The following PM20D2 variants were observed in gnomAD, a reference collection of about 807,000 sequenced individuals.
PM20D2 encodes peptidase M20 domain containing 2.
PM20D2 carries 33 observed loss-of-function variants against 42.9 expected under a neutral mutation model. The ratio of observed to expected loss-of-function variants is 0.77; its 90% CI spans 0.58 to 1.03. The LOEUF is 1.03. Among genes scored for constraint, PM20D2 ranks in the 50% least tolerant of loss-of-function variants. The probability of loss-of-function intolerance (pLI) is 0.00; values close to 1 mark genes in which losing one functional copy is unlikely to be tolerated. For missense variants in PM20D2, 548 were observed against 557.0 expected, an observed-to-expected ratio of 0.98 and a Z score of 0.16; for synonymous variants, 250 against 228.2, an observed-to-expected ratio of 1.10 and a Z score of -0.86.
chr6:89,155,571 T>C (rs940940165), intron 4 of PM20D2, among the ~76,000 whole-genome samples: 12 of 152,086 alleles, frequency 7.9e-5, no homozygotes, highest in African/African-American at 2.9e-4. Flanking sequence ...ATTATAGGCA[T>C]GAACCACCTC....
At chr6:89,126,410 G>T in the PM20D2 span, among the ~76,000 whole-genome samples, 1 of 151,790 alleles carries the variant, frequency 6.6e-6, no homozygotes, top group African/African-American at 2.4e-5. Context: ...AAAAGGCCTG[G>T]CATGGTGGCT....
chr6:89,105,400 T>C, the PM20D2 span: 2 of 1,579,324 alleles, frequency 1.3e-6, no homozygotes, highest in South Asian at 2.3e-5. Flanking sequence ...GCTGAATAAA[T>C]AAAATCTAGC....
the PM20D2 span, among the ~76,000 whole-genome samples, chr6:89,125,540 G>A: frequency 6.6e-6 from 1 of 152,016 alleles, no homozygotes; most frequent in East Asian, 1.9e-4. Context: ...CAGAACTTTG[G>A]GAGGCCAAGG....
At chr6:89,098,279 G>T in the PM20D2 span, 1 of 253,840 alleles carries the variant, frequency 3.9e-6, no homozygotes, top group African/African-American at 2.3e-5. Flanking sequence ...TATGCAAGTA[G>T]AATTTTAAAA....
chr6:89,099,473 T>A, the PM20D2 span, among the ~76,000 whole-genome samples: 1 of 146,480 alleles, frequency 6.8e-6, no homozygotes, highest in African/African-American at 2.6e-5. Flanking sequence ...TGTGTGTGTA[T>A]ATATATATGT....
chr6:89,098,363 A>G, the PM20D2 span: 1 of 460,322 alleles, frequency 2.2e-6, no homozygotes, highest in Non-Finnish European at 3.6e-6. Context: ...GGTCCATAAA[A>G]TGGTGACATT....
the PM20D2 span, among the ~76,000 whole-genome samples, chr6:89,137,517 A>G: frequency 6.6e-6 from 1 of 152,250 alleles, no homozygotes; most frequent in Non-Finnish European, 1.5e-5. Flanking sequence ...CAGGTTTAAT[A>G]TGATCTTGCA....
the PM20D2 span, among the ~76,000 whole-genome samples, chr6:89,102,814 C>T: frequency 2.0e-5 from 3 of 152,080 alleles, no homozygotes; most frequent in Non-Finnish European, 4.4e-5. Flanking sequence ...TGCAGTGGTG[C>T]AATCATGGCT....
At chr6:89,130,819 CTTTTT>C in the PM20D2 span, among the ~76,000 whole-genome samples, 30 of 24,054 alleles carry the variant, frequency 1.2e-3, no homozygotes, top group South Asian at 6.8e-3. Flanking sequence ...GCTTCTTCTT[CTTTTT>C]TTTTTTTTTT....
In PM20D2 at chr6:89,164,238, A is replaced by G. The variant is rs1274309083; in HGVS notation, c.*1975A>G. The G allele has an allele frequency of 3.3e-5, 5 of 152,196 alleles. No individual in the cohort carries two copies. Among genetic ancestry groups the G allele is most frequent in the Non-Finnish European group, 7.4e-5 (5 of 68,014 alleles). The allele number at this position is 152,196 out of a possible 1,614,324, so 9.4% of individuals were successfully genotyped here. A position where few individuals can be genotyped will look rare whatever the true frequency, so the allele number is the denominator to read the frequency against. ...CTTAAAAGTGTTTTGATTTCCCACAATTTCCCAAAGGAATGTTTATTTATT... is the reference window on the plus strand; with the variant it reads ...CTTAAAAGTGTTTTGATTTCCCACAGTTTCCCAAAGGAATGTTTATTTATT... On this transcript the variant is annotated 3_prime_UTR_variant, in exon 7 of 7. Coordinates refer to ENST00000275072, the MANE Select transcript of PM20D2 (RefSeq NM_001010853.3).
the PM20D2 span, chr6:89,105,502 C>A: frequency 3.1e-6 from 5 of 1,606,664 alleles, no homozygotes; most frequent in Admixed American, 8.5e-5. Flanking sequence ...TTATAAAGAG[C>A]ATCTTCAGCA....
intron 2 of PM20D2, among the ~76,000 whole-genome samples, chr6:89,150,675 G>A (rs1199635121): frequency 3.3e-5 from 5 of 151,280 alleles, no homozygotes; most frequent in Admixed American, 3.3e-4. Flanking sequence ...GAGTAGCTGG[G>A]ATTACAGGCG....
chr6:89,149,002 C>T (rs1281242510), intron 1 of PM20D2, among the ~76,000 whole-genome samples: 6 of 151,974 alleles, frequency 3.9e-5, no homozygotes, highest in African/African-American at 9.7e-5. Flanking sequence ...TTATCTTTGC[C>T]ATTAGTTGAC....
chr6:89,105,348 G>A, the PM20D2 span: 2 of 1,557,828 alleles, frequency 1.3e-6, no homozygotes, highest in Non-Finnish European at 1.7e-6. Context: ...TTTACTGAAA[G>A]AATTTTAAAT....
At chr6:89,122,596 TAATC>T in the PM20D2 span, among the ~76,000 whole-genome samples, 1 of 152,244 alleles carries the variant, frequency 6.6e-6, no homozygotes, top group Non-Finnish European at 1.5e-5. Flanking sequence ...ATTAATATCT[TAATC>T]AGATTAATTA....
the PM20D2 span, chr6:89,098,770 A>G: frequency 1.2e-6 from 2 of 1,613,848 alleles, no homozygotes; most frequent in African/African-American, 2.7e-5. Context: ...TTTGAGGTGA[A>G]CTTGACTGTG....
chr6:89,114,276 A>C, the PM20D2 span, among the ~76,000 whole-genome samples: 2 of 152,142 alleles, frequency 1.3e-5, 1 homozygote, highest in South Asian at 4.1e-4. Context: ...AAAAATACAA[A>C]AATTAGCCAG....
the PM20D2 span, among the ~76,000 whole-genome samples, chr6:89,130,819 CTTTTTTTTTTTTTTTTT>C: frequency 1.2e-4 from 3 of 24,038 alleles, no homozygotes; most frequent in Non-Finnish European, 1.5e-4. Context: ...GCTTCTTCTT[CTTTTTTTTTTTTTTTTT>C]TTTTTTTTTT....
chr6:89,151,451 C>T (rs1770837323), intron 2 of PM20D2, among the ~76,000 whole-genome samples: 1 of 152,076 alleles, frequency 6.6e-6, no homozygotes, highest in Admixed American at 6.5e-5. Flanking sequence ...TGGTCTTGAA[C>T]TCCTGACCTC....
Sources: allele counts gnomAD v4.1 joint callset (sites outside exome capture counted in the v4.1 genomes callset), GRCh38; gene constraint gnomAD v4.1.1; transcripts MANE v1.5; gene names NCBI Gene and HGNC (gene_info 2026-07-23, HGNC 2026-07-21).